The following FBXO3 variants were observed in gnomAD, a reference collection of about 807,000 sequenced individuals.
FBXO3 encodes the protein F-box protein 3.
Under a neutral mutation model 64.8 loss-of-function variants are expected in FBXO3, and 17 were observed. The ratio of observed to expected loss-of-function variants is 0.26; its 90% CI spans 0.18 to 0.39. The LOEUF (loss-of-function observed/expected upper bound fraction) is 0.39. FBXO3 is among the 10% of genes least tolerant of loss of function. The pLI, the probability that FBXO3 is intolerant of heterozygous loss-of-function variation, is 1.00. For synonymous variants in FBXO3, 182 were observed against 201.6 expected (o/e 0.90, Z 0.82); for missense variants, 420 against 589.9 (o/e 0.71, Z 2.98).
chr11:33,770,529 C>T (rs935961730), intron 2 of FBXO3, among the ~76,000 whole-genome samples: 2 of 152,166 alleles, frequency 1.3e-5, no homozygotes, highest in African/African-American at 4.8e-5. Flanking sequence ...TCACTATAAA[C>T]GGCAACAATG....
chr11:33,757,024 C>T (rs1337902601), intron 4 of FBXO3: 1 of 518,650 alleles, frequency 1.9e-6, no homozygotes, highest in Non-Finnish European at 3.8e-6. Context: ...GCGACCACAC[C>T]CTGCCCCCAA....
At chr11:33,755,220 A>T (rs554058551) in intron 5 of FBXO3, among the ~76,000 whole-genome samples, 1 of 152,222 alleles carries the variant, frequency 6.6e-6, no homozygotes, top group Non-Finnish European at 1.5e-5. Context: ...TAAAAAGTTC[A>T]TATCTAGGCA....
intron 5 of FBXO3, among the ~76,000 whole-genome samples, chr11:33,754,795 T>C (rs949755427): frequency 6.6e-6 from 1 of 151,454 alleles, no homozygotes; most frequent in Non-Finnish European, 1.5e-5. Flanking sequence ...CTTTAAAAAG[T>C]TAAAGCTATA....
chr11:33,752,663 A>C (rs1393884596), intron 6 of FBXO3, among the ~76,000 whole-genome samples: 3 of 152,188 alleles, frequency 2.0e-5, no homozygotes, highest in African/African-American at 4.8e-5. Flanking sequence ...TTTATTAAAC[A>C]CTATTGTATT....
intron 6 of FBXO3, chr11:33,754,102 C>G (rs1229440107): frequency 5.8e-6 from 1 of 173,870 alleles, no homozygotes; most frequent in South Asian, 1.9e-4. Context: ...TTTAAAGTTG[C>G]TTTATATATC....
intron 3 of FBXO3, chr11:33,763,353 C>A: frequency 1.5e-5 from 6 of 401,486 alleles, no homozygotes; most frequent in Non-Finnish European, 2.5e-5. Context: ...TGTAAAAATT[C>A]CAATAAAATA....
intron 3 of FBXO3, chr11:33,763,241 C>G: frequency 2.2e-6 from 1 of 445,438 alleles, no homozygotes; most frequent in Non-Finnish European, 4.5e-6. Context: ...AGAGGCAACA[C>G]TTCTCGACTC....
At chr11:33,746,844 G>C in intron 10 of FBXO3, 1 of 1,413,416 alleles carries the variant, frequency 7.1e-7, no homozygotes, top group East Asian at 2.5e-5. Flanking sequence ...TCTTAAAGCT[G>C]ATTCTACTGG....
intron 10 of FBXO3, 170 bp from the exon 11 acceptor site, chr11:33,742,254 A>G (rs1854705509): frequency 1.4e-5 from 7 of 495,822 alleles, no homozygotes; most frequent in Non-Finnish European, 2.4e-5. Flanking sequence ...AAGATTCTGG[A>G]GTGGATTCTA....
At chr11:33,754,844 A>T (rs1397130561) in intron 5 of FBXO3, among the ~76,000 whole-genome samples, 1 of 151,496 alleles carries the variant, frequency 6.6e-6, no homozygotes, top group East Asian at 1.9e-4. Context: ...ATAGAGTCAC[A>T]TGTCTCAACT....
intron 3 of FBXO3, among the ~76,000 whole-genome samples, chr11:33,760,558 T>C (rs1855219049): frequency 1.3e-5 from 2 of 151,986 alleles, no homozygotes; most frequent in South Asian, 4.1e-4. Flanking sequence ...GCTGGAAGGA[T>C]TGTTTGAGCC....
chr11:33,770,921 C>T (rs1040234146), intron 1 of FBXO3, 91 bp from the exon 2 acceptor site: 25 of 1,005,460 alleles, frequency 2.5e-5, no homozygotes, highest in African/African-American at 2.1e-4. Flanking sequence ...TTGTTTTATG[C>T]CTTTTGTTTC....
chr11:33,771,687 T>C (rs776189687), intron 1 of FBXO3: 7 of 152,212 alleles, frequency 4.6e-5, no homozygotes, highest in Non-Finnish European at 7.3e-5. Flanking sequence ...TTAAAAACCA[T>C]CTATAGTAAA....
At chr11:33,745,119 T>A (rs984455481) in intron 10 of FBXO3, 1 of 152,218 alleles carries the variant, frequency 6.6e-6, no homozygotes, top group African/African-American at 2.4e-5. Context: ...GGAGATTTCA[T>A]AATGATGAAA....
chr11:33,769,311 T>C (rs912826127), intron 2 of FBXO3, among the ~76,000 whole-genome samples: 1 of 152,182 alleles, frequency 6.6e-6, no homozygotes, highest in Admixed American at 6.5e-5. Context: ...TTTCAACTTA[T>C]TCTTAAAAAT....
chr11:33,745,690 GA>G (rs1203651362), intron 10 of FBXO3: 1 of 152,062 alleles, frequency 6.6e-6, no homozygotes, highest in Non-Finnish European at 1.5e-5. Flanking sequence ...CTTGGAGAGA[GA>G]AAAGTTCTAA....
intron 3 of FBXO3, among the ~76,000 whole-genome samples, chr11:33,760,552 G>A (rs1855218908): frequency 6.6e-6 from 1 of 152,090 alleles, no homozygotes; most frequent in Non-Finnish European, 1.5e-5. Flanking sequence ...GACTGAGCTG[G>A]AAGGATTGTT....
intron 3 of FBXO3, among the ~76,000 whole-genome samples, chr11:33,759,080 T>C (rs1855180615): frequency 2.0e-5 from 3 of 152,214 alleles, no homozygotes; most frequent in Admixed American, 2.0e-4. Context: ...TTTGTAAACT[T>C]GCCACATATT....
chr11:33,758,304 T>C (rs1855158083), intron 4 of FBXO3, among the ~76,000 whole-genome samples, 183 bp downstream of exon 4: 1 of 152,230 alleles, frequency 6.6e-6, no homozygotes, highest in African/African-American at 2.4e-5. Flanking sequence ...TTATGAGATA[T>C]ATTTATTTTG....
Sources: gnomAD v4.1 joint callset for allele counts (sites outside exome capture counted in the v4.1 genomes callset) on GRCh38, gnomAD v4.1.1 for gene constraint, MANE v1.5 for transcripts, NCBI Gene and HGNC (gene_info 2026-07-23, HGNC 2026-07-21) for gene names.